The following EBF1 variants were observed in gnomAD, a reference collection of about 807,000 sequenced individuals.
The protein encoded by EBF1 is transcription factor COE1.
EBF1 carries 10 observed loss-of-function variants against 68.4 expected under a neutral mutation model. That is an observed-to-expected ratio of 0.15 (90% CI 0.09 to 0.25). The LOEUF is 0.25. Ranked by LOEUF, EBF1 falls within the 10% of genes least tolerant of loss-of-function variation. The probability of loss-of-function intolerance (pLI) is 1.00; values close to 1 mark genes in which losing one functional copy is unlikely to be tolerated. For missense variants in EBF1, 509 were observed against 794.4 expected (o/e 0.64, Z 4.32); for synonymous variants, 298 against 299.8 (o/e 0.99, Z 0.06).
chr5:159,054,434 C>G (rs150184075), intron 6 of EBF1, among the ~76,000 whole-genome samples: 1 of 152,092 alleles, frequency 6.6e-6, no homozygotes, highest in Non-Finnish European at 1.5e-5. Flanking sequence ...AGATCTGGTT[C>G]CCATCCTGGA....
At chr5:158,824,480 C>T (rs1416716415) in intron 7 of EBF1, among the ~76,000 whole-genome samples, 1 of 152,232 alleles carries the variant, frequency 6.6e-6, no homozygotes, top group African/African-American at 2.4e-5. Context: ...ATGAGGCGAG[C>T]CTCCAGAGCG....
At chr5:158,734,803 AAC>A (rs996677422) in intron 10 of EBF1, among the ~76,000 whole-genome samples, 3 of 152,130 alleles carry the variant, frequency 2.0e-5, no homozygotes, top group African/African-American at 7.2e-5. Flanking sequence ...AAAAAAGAAA[AAC>A]AGATGAAGCT....
chr5:158,889,195 T>A (rs1470919234), intron 6 of EBF1, among the ~76,000 whole-genome samples: 1 of 152,196 alleles, frequency 6.6e-6, no homozygotes, highest in Non-Finnish European at 1.5e-5. Context: ...ATGCCTGGCC[T>A]ATGGTAAGCA....
intron 6 of EBF1, among the ~76,000 whole-genome samples, chr5:158,956,648 A>G (rs564512794): frequency 3.9e-5 from 6 of 152,338 alleles, no homozygotes; most frequent in African/African-American, 1.4e-4. Flanking sequence ...AAGAAGTTGA[A>G]AATATTGAAA....
chr5:158,939,708 G>A (rs531482447), intron 6 of EBF1, among the ~76,000 whole-genome samples: 1 of 147,882 alleles, frequency 6.8e-6, no homozygotes, highest in Non-Finnish European at 1.5e-5. Flanking sequence ...CACTCAATCA[G>A]CGAATATCAG....
chr5:159,021,949 C>T (rs551469334), intron 6 of EBF1, among the ~76,000 whole-genome samples: 1 of 150,876 alleles, frequency 6.6e-6, no homozygotes, highest in Non-Finnish European at 1.5e-5. Context: ...CCTGCATTAC[C>T]GCTGCTAATT....
intron 1 of EBF1, chr5:159,097,539 C>T: frequency 4.0e-6 from 1 of 248,758 alleles, no homozygotes; most frequent in East Asian, 5.9e-5. Context: ...TCTCACGTCT[C>T]AGCTAGCAGG....
intron 6 of EBF1, among the ~76,000 whole-genome samples, chr5:159,070,102 T>C (rs778017735): frequency 6.6e-6 from 1 of 152,202 alleles, no homozygotes; most frequent in Non-Finnish European, 1.5e-5. Flanking sequence ...TCTGCTGTTA[T>C]CAGTTCCTGG....
chr5:159,032,152 A>G (rs1438104653), intron 6 of EBF1, among the ~76,000 whole-genome samples: 1 of 152,182 alleles, frequency 6.6e-6, no homozygotes, highest in African/African-American at 2.4e-5. Flanking sequence ...CTGAAGAATA[A>G]CAATAGAACA....
chr5:158,876,813 A>G (rs112779298), intron 6 of EBF1, among the ~76,000 whole-genome samples: 1 of 152,218 alleles, frequency 6.6e-6, no homozygotes. Flanking sequence ...ATTAATACAA[A>G]GGAAATTAAA....
rs775232338 is a variant in EBF1, at chr5:159,087,383, CACATATATAT to C, written c.412-2654_412-2645del. On this transcript the variant is annotated intron_variant, in intron 4 of 15. Transcript: ENST00000313708. ...ATATATATATACACACATATATATA[CACATATATAT>C]ACATATATATACACACACATATATA... is the stretch of plus-strand genomic sequence containing the variant. Among the ~76,000 whole-genome samples, 217 of 139,460 alleles carry C rather than the reference CACATATATAT, an allele frequency of 1.6e-3. 1 individual carries two copies. The highest frequency in any genetic ancestry group is 2.4e-3 in the Non-Finnish European group (157 of 65,178). 91.5% of individuals were successfully genotyped at this position (139,460 alleles called of 152,430 possible).
At chr5:158,796,664 C>T (rs1779663035) in intron 8 of EBF1, among the ~76,000 whole-genome samples, 189 bp from the exon 9 acceptor site, 1 of 152,184 alleles carries the variant, frequency 6.6e-6, no homozygotes, top group South Asian at 2.1e-4. Flanking sequence ...TTTTTAAAAG[C>T]ATTCTTTTCA....
At chr5:159,053,077 T>C (rs1419717887) in intron 6 of EBF1, among the ~76,000 whole-genome samples, 2 of 152,200 alleles carry the variant, frequency 1.3e-5, no homozygotes, top group Admixed American at 1.3e-4. Context: ...AGGGCTGCGC[T>C]TAGAAAATGG....
intron 6 of EBF1, among the ~76,000 whole-genome samples, chr5:158,960,179 TA>T (rs1271258828): frequency 6.6e-6 from 1 of 152,242 alleles, no homozygotes. Flanking sequence ...ATAAGGGCTA[TA>T]GTCATATTGT....
intron 6 of EBF1, among the ~76,000 whole-genome samples, chr5:158,875,837 A>G (rs1293064790): frequency 2.0e-5 from 3 of 152,244 alleles, no homozygotes; most frequent in Non-Finnish European, 4.4e-5. Context: ...ACAAAACACC[A>G]TTGTTTTCCT....
intron 14 of EBF1, among the ~76,000 whole-genome samples, chr5:158,711,228 G>A (rs1225469185): frequency 1.3e-5 from 2 of 152,032 alleles, no homozygotes; most frequent in African/African-American, 4.8e-5. Flanking sequence ...AAATAAAGGA[G>A]TCATATGTGT....
At chr5:158,833,371 T>C (rs1022811351) in intron 7 of EBF1, among the ~76,000 whole-genome samples, 1 of 152,126 alleles carries the variant, frequency 6.6e-6, no homozygotes, top group African/African-American at 2.4e-5. Flanking sequence ...CATAATAACC[T>C]GTTTAATTTT....
chr5:158,750,338 G>A (rs1376690356), intron 10 of EBF1, among the ~76,000 whole-genome samples: 1 of 152,062 alleles, frequency 6.6e-6, no homozygotes, highest in African/African-American at 2.4e-5. Context: ...GTCTTTAGTA[G>A]CATGGGTTCA....
intron 6 of EBF1, among the ~76,000 whole-genome samples, chr5:159,011,403 C>T (rs951579891): frequency 2.0e-5 from 3 of 152,172 alleles, no homozygotes; most frequent in Non-Finnish European, 4.4e-5. Context: ...AGCTGGCTGC[C>T]GGAAGCCCTC....
Sources: allele counts gnomAD v4.1 joint callset (sites outside exome capture counted in the v4.1 genomes callset), GRCh38; gene constraint gnomAD v4.1.1; transcripts MANE v1.5; gene names NCBI Gene and HGNC (gene_info 2026-07-23, HGNC 2026-07-21).